Variants in FLNB observed in about 807,000 individuals in gnomAD.
The protein encoded by FLNB is filamin-B.
A neutral mutation model predicts 250.6 loss-of-function variants in FLNB; 111 were observed. The ratio of observed to expected loss-of-function variants is 0.44; its 90% CI spans 0.38 to 0.52. The LOEUF (loss-of-function observed/expected upper bound fraction) is 0.52. Among genes scored for constraint, FLNB ranks in the 20% least tolerant of loss-of-function variants. The pLI is 0.00. For synonymous variants in FLNB, 1,302 were observed against 1,372.1 expected (o/e 0.95, Z 1.13); for missense variants, 2,869 against 3,447.8 (o/e 0.83, Z 4.20).
chr3:58,060,952 C>A (rs1413643478), intron 1 of FLNB, among the ~76,000 whole-genome samples: 1 of 152,060 alleles, frequency 6.6e-6, no homozygotes, highest in Non-Finnish European at 1.5e-5. Flanking sequence ...GATTGCTTGT[C>A]CAGGACGGGT....
chr3:58,147,361 C>A (rs2107266714), intron 34 of FLNB, among the ~76,000 whole-genome samples: 1 of 152,328 alleles, frequency 6.6e-6, no homozygotes, highest in East Asian at 1.9e-4. Flanking sequence ...TTCTGCTATC[C>A]CTTTTACAGA....
chr3:58,015,940 GT>G (rs1193930160), intron 1 of FLNB, among the ~76,000 whole-genome samples: 1 of 152,140 alleles, frequency 6.6e-6, no homozygotes, highest in Non-Finnish European at 1.5e-5. Context: ...GAGTGTGTCA[GT>G]TTAGAGGTCT....
chr3:58,010,032 T>C (rs1189104646), intron 1 of FLNB, among the ~76,000 whole-genome samples: 2 of 151,872 alleles, frequency 1.3e-5, no homozygotes, highest in African/African-American at 4.8e-5. Flanking sequence ...AGCATGTGCA[T>C]ATGCAAAGAG....
At chr3:58,119,113 GCA>G in intron 19 of FLNB, 124 bp downstream of exon 19, 1 of 802,126 alleles carries the variant, frequency 1.2e-6, no homozygotes, top group Non-Finnish European at 2.2e-6. Context: ...CTTTGCAGTT[GCA>G]CAGACTTTGG....
chr3:58,058,906 C>T (rs1210831036), intron 1 of FLNB, among the ~76,000 whole-genome samples: 1 of 152,194 alleles, frequency 6.6e-6, no homozygotes, highest in East Asian at 1.9e-4. Flanking sequence ...CATAGAGGAT[C>T]TGAAGAGCAG....
chr3:58,079,594 T>C (rs1054984044), intron 3 of FLNB, among the ~76,000 whole-genome samples: 3 of 152,184 alleles, frequency 2.0e-5, no homozygotes, highest in African/African-American at 7.2e-5. Context: ...TAATCCACCA[T>C]TAATGGAAAC....
At chr3:58,122,943 A>G (rs1455259957) in intron 20 of FLNB, 150 bp from the exon 21 acceptor site, 1 of 768,868 alleles carries the variant, frequency 1.3e-6, no homozygotes, top group East Asian at 2.4e-5. Flanking sequence ...TGTAGCTTTA[A>G]CTCGTGTGCA....
intron 39 of FLNB, chr3:58,154,587 G>A (rs1267153153): frequency 2.2e-5 from 12 of 542,820 alleles, no homozygotes; most frequent in South Asian, 2.0e-4. Context: ...GACTCCAGAT[G>A]TCCTGTGAAT....
Position 58,170,366 on chromosome 3 carries a change from A to G in FLNB, c.7622-209A>G, listed in dbSNP as rs2097380157. On this transcript the variant is annotated intron_variant, in intron 45 of 45. Transcript: ENST00000295956. Reference sequence around the variant, plus strand: ...CTAGGGAGAGGTGAGATTCCAGTCCAAGGTCACCCAGGTAGCAAGTGGCAG... The same window carrying G: ...CTAGGGAGAGGTGAGATTCCAGTCCGAGGTCACCCAGGTAGCAAGTGGCAG... 1.7e-5 allele frequency: 10 copies of G among 596,926 alleles called. No individual in the cohort carries two copies. In the South Asian group the frequency reaches 1.9e-4, roughly 12 times the overall value. The allele number at this position is 596,926 out of a possible 1,614,324, so 37.0% of individuals were successfully genotyped here. A position where few individuals can be genotyped will look rare whatever the true frequency, so the allele number is the denominator to read the frequency against.
chr3:58,026,726 CCTT>C (rs2097124130), intron 1 of FLNB, among the ~76,000 whole-genome samples: 1 of 152,150 alleles, frequency 6.6e-6, no homozygotes. Context: ...CCCAGTTACT[CCTT>C]GGACACCAGC....
intron 1 of FLNB, among the ~76,000 whole-genome samples, chr3:58,036,060 A>G (rs1442638233): frequency 6.6e-6 from 1 of 152,212 alleles, no homozygotes; most frequent in Non-Finnish European, 1.5e-5. Context: ...GCTTTTCTTT[A>G]TAATGACTCC....
rs776866741 is a variant in FLNB, at chr3:58,106,713, T to C, written c.1781T>C (p.Ile594Thr). 3 of 1,614,080 alleles carry C rather than the reference T, an allele frequency of 1.9e-6. No homozygotes were observed. Among genetic ancestry groups the C allele is most frequent in the South Asian group, 1.1e-5 (1 of 91,090 alleles). Residue 594 changes from isoleucine to threonine, a missense_variant, in exon 12 of 46, where the codon ATT becomes ACT. By Grantham distance (89) the Ile-to-Thr change is moderately conservative (BLOSUM62 -1). Around this residue, in one of 5 missense-constraint regions of FLNB, gnomAD observed 1,348 missense variants for 1,466.7 expected, o/e 0.92. Coordinates refer to ENST00000295956, the MANE Select transcript of FLNB (RefSeq NM_001457.4). ...ATTGAAGGCCCCTCTCAGGCAAAGA[T>C]TGAGTACAACGACCAGAATGATGGA... The part of the protein sequence containing the change: ...FAIEGPSQAK[I>T]EYNDQNDGSC...
intron 43 of FLNB, among the ~76,000 whole-genome samples, chr3:58,167,154 C>T (rs571886599): frequency 3.9e-5 from 6 of 152,262 alleles, no homozygotes; most frequent in African/African-American, 1.4e-4. Flanking sequence ...AAATATCTTT[C>T]CTTATCATCA....
intron 4 of FLNB, among the ~76,000 whole-genome samples, chr3:58,094,292 G>A (rs570078348): frequency 6.4e-4 from 97 of 152,134 alleles, no homozygotes; most frequent in African/African-American, 2.2e-3. Context: ...GGTCTTGAAC[G>A]CCTGACTTCA....
intron 43 of FLNB, 27 bp downstream of exon 43, chr3:58,163,357 C>A (rs200056120): frequency 8.1e-6 from 13 of 1,611,500 alleles, no homozygotes; most frequent in African/African-American, 5.3e-5. Context: ...CTTCTTGAAG[C>A]CTTAACTGAA....
intron 1 of FLNB, among the ~76,000 whole-genome samples, chr3:58,015,986 G>T (rs933966486): frequency 6.6e-6 from 1 of 152,082 alleles, no homozygotes; most frequent in Non-Finnish European, 1.5e-5. Context: ...GGAGGGGTGG[G>T]CAGGGCTGGT....
Position 58,008,434 on chromosome 3 carries a change from G to C in FLNB, c.-131G>C, listed in dbSNP as rs544100587. The C allele has an allele frequency of 4.8e-4, 540 of 1,122,506 alleles. 5 individuals are homozygous for C. In the South Asian group the frequency reaches 6.5e-3, roughly 13 times the overall value. The allele number at this position is 1,122,506 out of a possible 1,614,324, so 69.5% of individuals were successfully genotyped here. Reference sequence around the variant, plus strand: ...GGCGGGCGGCCGCAGAGCAGCACCGGCCGTGGCTCCGGTAGCAGCAAGTTC... The same window carrying C: ...GGCGGGCGGCCGCAGAGCAGCACCGCCCGTGGCTCCGGTAGCAGCAAGTTC... On this transcript the variant is annotated 5_prime_UTR_variant, in exon 1 of 46. Transcript: ENST00000295956.
intron 43 of FLNB, among the ~76,000 whole-genome samples, chr3:58,168,066 C>A (rs960907068): frequency 6.6e-6 from 1 of 152,166 alleles, no homozygotes; most frequent in Non-Finnish European, 1.5e-5. Context: ...GCCCACGCCT[C>A]CCCCACACCC....
intron 41 of FLNB, among the ~76,000 whole-genome samples, chr3:58,156,571 C>T (rs1246831325): frequency 1.3e-5 from 2 of 152,148 alleles, no homozygotes; most frequent in Non-Finnish European, 2.9e-5. Flanking sequence ...AATAGCCTGA[C>T]AAGTAGGTTC....
Sources: allele counts gnomAD v4.1 joint callset (sites outside exome capture counted in the v4.1 genomes callset), GRCh38; gene constraint gnomAD v4.1.1; regional missense constraint gnomAD v4.1.1; transcripts MANE v1.5; gene names NCBI Gene and HGNC (gene_info 2026-07-23, HGNC 2026-07-21).